The following CYP7B1 variants were observed in gnomAD, a reference collection of about 807,000 sequenced individuals.
The protein encoded by CYP7B1 is cytochrome P450 7B1.
A neutral mutation model predicts 42.7 loss-of-function variants in CYP7B1; 29 were observed. The observed-to-expected ratio is 0.68, with a 90% CI of 0.51 to 0.93. CYP7B1 has a LOEUF of 0.93. Among genes scored for constraint, CYP7B1 ranks in the 40% least tolerant of loss-of-function variants. The probability of loss-of-function intolerance (pLI) is 0.00; values close to 1 mark genes in which losing one functional copy is unlikely to be tolerated. For synonymous variants in CYP7B1, 235 were observed against 218.2 expected, an observed-to-expected ratio of 1.08 and a Z score of -0.68; for missense variants, 655 against 600.5, an observed-to-expected ratio of 1.09 and a Z score of -0.95.
At chr8:64,714,071 A>G (rs1207878657) in intron 1 of CYP7B1, among the ~76,000 whole-genome samples, 1 of 152,164 alleles carries the variant, frequency 6.6e-6, no homozygotes. Flanking sequence ...TGGCATGCTC[A>G]ATGTCGCCCA....
intron 1 of CYP7B1, among the ~76,000 whole-genome samples, chr8:64,731,932 G>A (rs914493719): frequency 6.6e-6 from 1 of 152,208 alleles, no homozygotes. Context: ...CAAGAACTGA[G>A]GTTGGGGAAC....
chr8:64,771,358 C>T (rs1049751478), intron 1 of CYP7B1, among the ~76,000 whole-genome samples: 9 of 151,986 alleles, frequency 5.9e-5, no homozygotes, highest in African/African-American at 2.2e-4. Flanking sequence ...CCATGCCCAG[C>T]CTCATTCTTT....
At chr8:64,793,621 C>T (rs1379402018) in intron 1 of CYP7B1, among the ~76,000 whole-genome samples, 1 of 151,990 alleles carries the variant, frequency 6.6e-6, no homozygotes, top group East Asian at 1.9e-4. Flanking sequence ...ACATCCAGTT[C>T]TAAGTAAGAA....
intron 1 of CYP7B1, among the ~76,000 whole-genome samples, chr8:64,722,379 T>C (rs1313982082): frequency 6.6e-6 from 1 of 152,162 alleles, no homozygotes; most frequent in Non-Finnish European, 1.5e-5. Context: ...ATAAAAATCA[T>C]GTTTTAATTC....
intron 2 of CYP7B1, among the ~76,000 whole-genome samples, chr8:64,621,381 C>T (rs996586901): frequency 6.6e-6 from 1 of 152,164 alleles, no homozygotes; most frequent in Non-Finnish European, 1.5e-5. Flanking sequence ...AGAAGAGGCA[C>T]CAAATATAGG....
intron 1 of CYP7B1, among the ~76,000 whole-genome samples, chr8:64,716,783 G>A (rs1218559793): frequency 6.6e-6 from 1 of 152,206 alleles, no homozygotes; most frequent in African/African-American, 2.4e-5. Context: ...ATGAACCAGT[G>A]TATGGCTCAG....
chr8:64,750,376 G>C (rs902460533), intron 1 of CYP7B1, among the ~76,000 whole-genome samples: 6 of 152,060 alleles, frequency 3.9e-5, no homozygotes, highest in Middle Eastern at 3.2e-3. Context: ...CCTTTCACAG[G>C]CTTAAAACAT....
intron 1 of CYP7B1, among the ~76,000 whole-genome samples, chr8:64,737,197 G>A (rs1243675094): frequency 6.6e-6 from 1 of 152,106 alleles, no homozygotes; most frequent in East Asian, 1.9e-4. Context: ...TGAACTCCTG[G>A]ACTCAATCAA....
At chr8:64,675,764 T>G (rs547867690) in intron 1 of CYP7B1, among the ~76,000 whole-genome samples, 1 of 152,256 alleles carries the variant, frequency 6.6e-6, no homozygotes, top group African/African-American at 2.4e-5. Context: ...GAGGATGCAC[T>G]TGAAATACCC....
At chr8:64,711,050 T>G (rs2129632661) in intron 1 of CYP7B1, among the ~76,000 whole-genome samples, 1 of 152,274 alleles carries the variant, frequency 6.6e-6, no homozygotes, top group Admixed American at 6.5e-5. Context: ...CATTGCAGTT[T>G]GCCCATTTCT....
At chr8:64,613,694 G>A (rs975601833) in intron 4 of CYP7B1, among the ~76,000 whole-genome samples, 3 of 152,138 alleles carry the variant, frequency 2.0e-5, no homozygotes, top group Non-Finnish European at 2.9e-5. Flanking sequence ...TAGTAATGTT[G>A]AGATTTTTTT....
intron 1 of CYP7B1, among the ~76,000 whole-genome samples, chr8:64,751,566 C>T (rs1470371660): frequency 6.6e-6 from 1 of 152,104 alleles, no homozygotes; most frequent in East Asian, 1.9e-4. Context: ...TATTAATCAT[C>T]TTCAAGCACC....
At chr8:64,709,771 A>G (rs995636845) in intron 1 of CYP7B1, among the ~76,000 whole-genome samples, 2 of 152,172 alleles carry the variant, frequency 1.3e-5, no homozygotes, top group Non-Finnish European at 2.9e-5. Flanking sequence ...GAAAAAGAAA[A>G]CATCAACTTA....
At chr8:64,616,890 G>C (rs1805456740) in intron 2 of CYP7B1, among the ~76,000 whole-genome samples, 1 of 152,158 alleles carries the variant, frequency 6.6e-6, no homozygotes, top group Non-Finnish European at 1.5e-5. Context: ...ATATTGACTT[G>C]TGACTGACAC....
intron 3 of CYP7B1, among the ~76,000 whole-genome samples, 195 bp from the exon 4 acceptor site, chr8:64,615,427 G>A (rs1400853656): frequency 2.8e-5 from 4 of 144,458 alleles, no homozygotes; most frequent in Admixed American, 1.4e-4. Flanking sequence ...TGGGGGGGGC[G>A]GTGTGGTGGG....
chr8:64,777,210 A>C (rs1211926544), intron 1 of CYP7B1, among the ~76,000 whole-genome samples: 2 of 151,796 alleles, frequency 1.3e-5, no homozygotes, highest in South Asian at 2.1e-4. Flanking sequence ...GAGGTGATTA[A>C]ATACAAAAGG....
intron 1 of CYP7B1, among the ~76,000 whole-genome samples, chr8:64,635,106 C>T (rs1222982442): frequency 1.3e-5 from 2 of 152,124 alleles, no homozygotes; most frequent in South Asian, 2.1e-4. Context: ...GAGCATCTCA[C>T]GGGTACAGTT....
chr8:64,775,852 G>A (rs1277307211), intron 1 of CYP7B1, among the ~76,000 whole-genome samples: 1 of 152,044 alleles, frequency 6.6e-6, no homozygotes, highest in South Asian at 2.1e-4. Flanking sequence ...ATGTGATTTG[G>A]GGGGGTGGTA....
At chr8:64,621,612 C>G (rs1339032177) in intron 2 of CYP7B1, among the ~76,000 whole-genome samples, 1 of 152,108 alleles carries the variant, frequency 6.6e-6, no homozygotes, top group Non-Finnish European at 1.5e-5. Context: ...AGAGACTGAG[C>G]TGGAAAGGCT....
Sources: gnomAD v4.1 joint callset for allele counts (sites outside exome capture counted in the v4.1 genomes callset) on GRCh38, gnomAD v4.1.1 for gene constraint, MANE v1.5 for transcripts, NCBI Gene and HGNC (gene_info 2026-07-23, HGNC 2026-07-21) for gene names.